The following TTLL7 variants were observed in gnomAD, a reference collection of about 807,000 sequenced individuals.
TTLL7 encodes the protein tubulin tyrosine ligase like 7.
A neutral mutation model predicts 120.2 loss-of-function variants in TTLL7; 53 were observed. That is an observed-to-expected ratio of 0.44 (90% CI 0.35 to 0.55). The LOEUF (loss-of-function observed/expected upper bound fraction) is 0.55. Among genes scored for constraint, TTLL7 ranks in the 20% least tolerant of loss-of-function variants. The pLI, the probability that TTLL7 is intolerant of heterozygous loss-of-function variation, is 0.00. For synonymous variants in TTLL7, 353 were observed against 351.7 expected, an observed-to-expected ratio of 1.00 and a Z score of -0.04; for missense variants, 803 against 1,054.7, an observed-to-expected ratio of 0.76 and a Z score of 3.31.
intron 1 of TTLL7, among the ~76,000 whole-genome samples, chr1:83,957,762 C>T (rs150316893): frequency 2.8e-3 from 424 of 152,214 alleles, no homozygotes; most frequent in African/African-American, 9.7e-3. Context: ...TGATTTTGTT[C>T]GACTGAATCT....
intron 13 of TTLL7, 123 bp from the exon 14 acceptor site, chr1:83,917,813 C>T (rs561622482): frequency 3.1e-6 from 2 of 652,636 alleles, no homozygotes; most frequent in Non-Finnish European, 5.2e-6. Flanking sequence ...GAAGATTGCT[C>T]AGAAAAAAGG....
chr1:83,948,597 G>T, intron 5 of TTLL7, 31 bp downstream of exon 5: 3 of 1,453,652 alleles, frequency 2.1e-6, no homozygotes, highest in Non-Finnish European at 1.9e-6. Flanking sequence ...TTTTGAACAG[G>T]TCTTCTCCAT....
intron 10 of TTLL7, among the ~76,000 whole-genome samples, chr1:83,928,691 T>G (rs991020573): frequency 6.0e-5 from 9 of 149,284 alleles, no homozygotes; most frequent in East Asian, 2.0e-4. Flanking sequence ...CATGTTTGAG[T>G]TTTTTTTTTA....
intron 17 of TTLL7, among the ~76,000 whole-genome samples, chr1:83,904,591 T>C: frequency 6.6e-6 from 1 of 152,048 alleles, no homozygotes; most frequent in Non-Finnish European, 1.5e-5. Context: ...GCTGAGATTA[T>C]ACCACTGCAC....
intron 18 of TTLL7, among the ~76,000 whole-genome samples, chr1:83,897,471 GCACAGCCTTTGTGGCA>G (rs1656334391): frequency 6.6e-6 from 1 of 152,022 alleles, no homozygotes; most frequent in Non-Finnish European, 1.5e-5. Flanking sequence ...AATGTATCAC[GCACAGCCTTTGTGGCA>G]GCCATGGAGA....
intron 18 of TTLL7, among the ~76,000 whole-genome samples, chr1:83,893,662 T>C (rs1655977067): frequency 6.6e-6 from 1 of 151,810 alleles, no homozygotes; most frequent in African/African-American, 2.4e-5. Flanking sequence ...CAAGGCAAAT[T>C]TAAACATTTG....
chr1:83,881,447 CA>C (rs1222963088), intron 20 of TTLL7, among the ~76,000 whole-genome samples: 1 of 151,538 alleles, frequency 6.6e-6, no homozygotes, highest in Non-Finnish European at 1.5e-5. Flanking sequence ...AGACACTTCT[CA>C]AAAGAAGACA....
At chr1:83,875,613 C>T (rs1046977688) in intron 20 of TTLL7, among the ~76,000 whole-genome samples, 3 of 151,996 alleles carry the variant, frequency 2.0e-5, no homozygotes, top group African/African-American at 4.8e-5. Context: ...CCAACTTTCA[C>T]TTTACAAGCA....
chr1:83,888,681 G>A (rs900713971), intron 19 of TTLL7, among the ~76,000 whole-genome samples: 5 of 151,782 alleles, frequency 3.3e-5, no homozygotes, highest in African/African-American at 4.8e-5. Flanking sequence ...GGAAGAAAAC[G>A]ACAAATTTTT....
At chr1:83,930,897 T>C (rs1160046485) in intron 9 of TTLL7, among the ~76,000 whole-genome samples, 1 of 152,040 alleles carries the variant, frequency 6.6e-6, no homozygotes, top group Admixed American at 6.6e-5. Context: ...TACTATAAGA[T>C]AAATTGGTCT....
chr1:83,956,613 A>G (rs1005804350), intron 1 of TTLL7, among the ~76,000 whole-genome samples: 13 of 152,106 alleles, frequency 8.5e-5, no homozygotes, highest in Non-Finnish European at 1.8e-4. Flanking sequence ...TATTTTTAGT[A>G]GAGACGAGGT....
chr1:83,892,431 T>TATATATGAAC (rs1655653494), intron 18 of TTLL7, among the ~76,000 whole-genome samples: 1 of 141,736 alleles, frequency 7.1e-6, no homozygotes, highest in South Asian at 2.2e-4. Flanking sequence ...TATATGAACA[T>TATATATGAAC]ATATATGAAC....
intron 18 of TTLL7, among the ~76,000 whole-genome samples, chr1:83,892,527 T>TGAATGAACATATATATGAAC (rs1655694491): frequency 1.4e-5 from 2 of 137,978 alleles, no homozygotes; most frequent in African/African-American, 2.8e-5. Flanking sequence ...TATGAACATA[T>TGAATGAACATATATATGAAC]ATATGAACAT....
chr1:83,929,774 T>A (rs901656860), intron 9 of TTLL7, among the ~76,000 whole-genome samples: 2 of 152,222 alleles, frequency 1.3e-5, no homozygotes, highest in Non-Finnish European at 2.9e-5. Flanking sequence ...GTCTTGTTAC[T>A]ATTGTCATTG....
chr1:83,916,926 T>TA (rs1432307175), intron 14 of TTLL7, among the ~76,000 whole-genome samples: 8 of 151,530 alleles, frequency 5.3e-5, no homozygotes, highest in East Asian at 3.9e-4. Flanking sequence ...ACCATCTCTT[T>TA]AAAAAAAAGA....
rs1001113733 is a variant in TTLL7, at chr1:83,866,202, G to A, written c.*3760C>T. On this transcript the variant is annotated 3_prime_UTR_variant, in exon 21 of 21. Coordinates refer to ENST00000260505, the MANE Select transcript of TTLL7 (RefSeq NM_024686.6). ...TATTTTTTAAAGAATACACATTTAAGAATGAATCAATGTTTTTTAGAAAAT... is the reference window on the plus strand; with the variant it reads ...TATTTTTTAAAGAATACACATTTAAAAATGAATCAATGTTTTTTAGAAAAT... The A allele has an allele frequency of 4.0e-5, 6 of 151,750 alleles. No individual in the cohort carries two copies. Among genetic ancestry groups the A allele is most frequent in the Non-Finnish European group, 8.9e-5 (6 of 67,738 alleles). The allele number at this position is 151,750 out of a possible 1,614,324, so 9.4% of individuals were successfully genotyped here. A position where few individuals can be genotyped will look rare whatever the true frequency, so the allele number is the denominator to read the frequency against.
intron 19 of TTLL7, among the ~76,000 whole-genome samples, chr1:83,888,198 G>A (rs1010004422): frequency 4.6e-5 from 7 of 151,974 alleles, no homozygotes; most frequent in Non-Finnish European, 8.8e-5. Context: ...CCATGGTAGA[G>A]AGTATCTGGG....
chr1:83,921,438 T>C, intron 10 of TTLL7, 44 bp from the exon 11 acceptor site: 1 of 1,597,556 alleles, frequency 6.3e-7, no homozygotes, highest in Non-Finnish European at 8.5e-7. Flanking sequence ...CTCGAACAAG[T>C]TCTGATCTTA....
intron 10 of TTLL7, among the ~76,000 whole-genome samples, chr1:83,923,726 A>G (rs2100801805): frequency 6.6e-6 from 1 of 152,314 alleles, no homozygotes; most frequent in African/African-American, 2.4e-5. Context: ...GGCATAAATC[A>G]GCACTAATGA....
Sources: gnomAD v4.1 joint callset for allele counts (sites outside exome capture counted in the v4.1 genomes callset) on GRCh38, gnomAD v4.1.1 for gene constraint, MANE v1.5 for transcripts, NCBI Gene and HGNC (gene_info 2026-07-23, HGNC 2026-07-21) for gene names.